KCNT2: variants seen among roughly 807,000 people sequenced by gnomAD.
KCNT2 encodes potassium sodium-activated channel subfamily T member 2, also known as potassium channel subfamily T member 2.
In KCNT2, 67 loss-of-function variants were observed where a neutral mutation model predicts 153.8. The ratio of observed to expected loss-of-function variants is 0.44; its 90% CI spans 0.36 to 0.53. The LOEUF (loss-of-function observed/expected upper bound fraction) is 0.53. KCNT2 is among the 20% of genes least tolerant of loss of function. The pLI, the probability that KCNT2 is intolerant of heterozygous loss-of-function variation, is 0.00. For missense variants in KCNT2, 975 were observed against 1,354.8 expected, an observed-to-expected ratio of 0.72 and a Z score of 4.40; for synonymous variants, 500 against 458.8, an observed-to-expected ratio of 1.09 and a Z score of -1.15.
At chr1:196,394,809 C>G (rs1300765601) in intron 13 of KCNT2, among the ~76,000 whole-genome samples, 1 of 151,506 alleles carries the variant, frequency 6.6e-6, no homozygotes, top group Admixed American at 6.6e-5. Context: ...TCCAGCTTCA[C>G]TGCCATTTTT....
chr1:196,567,732 G>C (rs750555070), intron 1 of KCNT2, among the ~76,000 whole-genome samples: 5 of 152,162 alleles, frequency 3.3e-5, no homozygotes, highest in Admixed American at 6.5e-5. Context: ...GGTGGTGAAG[G>C]ACGGCTGAGG....
At chr1:196,365,175 A>C (rs2148291716) in intron 14 of KCNT2, among the ~76,000 whole-genome samples, 1 of 152,186 alleles carries the variant, frequency 6.6e-6, no homozygotes, top group Admixed American at 6.5e-5. Flanking sequence ...AGCAACTATT[A>C]TTTGCTTATA....
rs1057472362 is a variant in KCNT2, at chr1:196,388,451, A to T, written c.1294+10112T>A. Among the ~76,000 whole-genome samples, 11 of 151,670 alleles carry T rather than the reference A, an allele frequency of 7.3e-5. 1 individual carries two copies. The highest frequency in any genetic ancestry group is 6.6e-4 in the Admixed American group (10 of 15,166). Reference sequence around the variant, plus strand: ...ATTTCAAAGTGACAGCTATAATTTCAGTTGAAACGTATTGAATCTGTAGGT... The same window carrying T: ...ATTTCAAAGTGACAGCTATAATTTCTGTTGAAACGTATTGAATCTGTAGGT... On this transcript the variant is annotated intron_variant, in intron 13 of 27. Transcript: ENST00000294725.
intron 1 of KCNT2, among the ~76,000 whole-genome samples, chr1:196,558,653 T>A (rs549249169): frequency 3.2e-4 from 49 of 151,598 alleles, no homozygotes; most frequent in South Asian, 1.4e-3. Context: ...CTGACTTAAA[T>A]AAGTTTATGA....
chr1:196,583,107 G>C (rs2148981410), intron 1 of KCNT2, among the ~76,000 whole-genome samples: 1 of 152,132 alleles, frequency 6.6e-6, no homozygotes, highest in South Asian at 2.1e-4. Flanking sequence ...CCAGAAGGAA[G>C]ACCTGAGGCA....
chr1:196,500,278 AAGGGAGGGAGGGAGGGAGGGAGGG>A (rs1183746765), intron 1 of KCNT2, among the ~76,000 whole-genome samples: 41 of 42,652 alleles, frequency 9.6e-4, no homozygotes, highest in Non-Finnish European at 1.2e-3. Context: ...GGAAGGAAGG[AAGGGAGGGAGGGAGGGAGGGAGGG>A]AGGGAGGGAG....
At chr1:196,325,571 C>T (rs1386284953) in intron 19 of KCNT2, among the ~76,000 whole-genome samples, 1 of 152,140 alleles carries the variant, frequency 6.6e-6, no homozygotes, top group African/African-American at 2.4e-5. Context: ...CCATAGCCAT[C>T]CCACAATGCA....
At chr1:196,316,117 T>C (rs557124794) in intron 20 of KCNT2, 91 bp from the exon 21 acceptor site, 128 of 1,190,538 alleles carry the variant, frequency 1.1e-4, no homozygotes, top group Non-Finnish European at 1.5e-4. Flanking sequence ...CCTGTGCTTA[T>C]ATAAGTTGCC....
At chr1:196,381,010 A>C (rs1377459920) in intron 13 of KCNT2, among the ~76,000 whole-genome samples, 1 of 152,240 alleles carries the variant, frequency 6.6e-6, no homozygotes, top group East Asian at 1.9e-4. Flanking sequence ...AAAGTCACTT[A>C]GTTTCACTAG....
chr1:196,249,963 G>A (rs898998027), intron 26 of KCNT2, among the ~76,000 whole-genome samples: 8 of 151,844 alleles, frequency 5.3e-5, no homozygotes, highest in African/African-American at 1.9e-4. Flanking sequence ...AAAAAAATTT[G>A]AATGATATTT....
At chr1:196,243,683 G>A (rs1380849771) in intron 26 of KCNT2, among the ~76,000 whole-genome samples, 1 of 152,078 alleles carries the variant, frequency 6.6e-6, no homozygotes, top group Non-Finnish European at 1.5e-5. Flanking sequence ...TATTCCAGCA[G>A]TCAGAACCTG....
chr1:196,307,355 T>C (rs1470240533), intron 21 of KCNT2, among the ~76,000 whole-genome samples: 1 of 152,118 alleles, frequency 6.6e-6, no homozygotes, highest in Admixed American at 6.6e-5. Context: ...ACTACCAATA[T>C]TTAAAGTGGC....
intron 13 of KCNT2, among the ~76,000 whole-genome samples, chr1:196,390,169 TA>T (rs552348149): frequency 5.3e-5 from 8 of 151,738 alleles, no homozygotes; most frequent in South Asian, 4.1e-4. Context: ...TATTTTGGCA[TA>T]TTTTTTTATT....
rs556336226 is a variant in KCNT2 at position 196,327,084 on chromosome 1, G to A, written c.2104-195C>T. On this transcript the variant is annotated intron_variant, in intron 18 of 27. Transcript: ENST00000294725. ...AAGAAATAAAAGTGTGCATGGACAAGGAAAATGAATTGCAGGTTTGTAGCT... is the reference window on the plus strand; with the variant it reads ...AAGAAATAAAAGTGTGCATGGACAAAGAAAATGAATTGCAGGTTTGTAGCT... Among the ~76,000 whole-genome samples the A allele has an allele frequency of 5.3e-5, 8 of 152,162 alleles. No individual in the cohort carries two copies. The East Asian group carries it at 1.2e-3, about 22-fold the overall frequency.
intron 19 of KCNT2, among the ~76,000 whole-genome samples, chr1:196,320,060 T>C (rs1039581167): frequency 1.3e-4 from 19 of 151,790 alleles, no homozygotes; most frequent in Admixed American, 5.3e-4. Flanking sequence ...GTCAAATAAA[T>C]ATAGTATATA....
At chr1:196,314,599 C>T (rs1447622714) in intron 21 of KCNT2, among the ~76,000 whole-genome samples, 1 of 150,444 alleles carries the variant, frequency 6.6e-6, no homozygotes, top group Non-Finnish European at 1.5e-5. Context: ...GGTGCTATGA[C>T]AGATTCTTTA....
At chr1:196,437,854 A>C (rs905125918) in intron 8 of KCNT2, among the ~76,000 whole-genome samples, 1 of 151,592 alleles carries the variant, frequency 6.6e-6, no homozygotes, top group Non-Finnish European at 1.5e-5. Flanking sequence ...ATTGTACTGG[A>C]TGTTACAGAT....
At chr1:196,257,392 T>A (rs1420927284) in intron 26 of KCNT2, 4 of 974,928 alleles carry the variant, frequency 4.1e-6, no homozygotes, top group East Asian at 2.3e-4. Flanking sequence ...AGGGTAAATA[T>A]GGAATACCTT....
Position 196,398,576 on chromosome 1 carries a change from G to A in KCNT2, c.1281C>T (p.His427=), listed in dbSNP as rs962192618. Residue 427 remains histidine (H), a synonymous_variant, in exon 13 of 28, where the codon CAC becomes CAT. Transcript: ENST00000294725. ...VQILKPENKF[H]IKFADHVVCE... is the part of the protein sequence containing the mutation. The stretch of plus-strand genomic sequence containing the variant: ...ATAAAAACTTACCAGCAAATTTGAT[G>A]TGAAATTTATTTTCAGGCTTTAATA... The A allele has an allele frequency of 6.3e-7, 1 of 1,590,106 alleles. No homozygotes were observed.
Sources: gnomAD v4.1 joint callset for allele counts (sites outside exome capture counted in the v4.1 genomes callset) on GRCh38, gnomAD v4.1.1 for gene constraint, MANE v1.5 for transcripts, NCBI Gene and HGNC (gene_info 2026-07-23, HGNC 2026-07-21) for gene names.